CEP89: variants seen among roughly 807,000 people sequenced by gnomAD.
CEP89 encodes centrosomal protein of 89 kDa.
Under a neutral mutation model 97.6 loss-of-function variants are expected in CEP89, and 95 were observed. That is an observed-to-expected ratio of 0.97 (90% CI 0.82 to 1.15). The LOEUF (loss-of-function observed/expected upper bound fraction) is 1.15, where lower values mean the gene tolerates loss of function less well. Ranked by LOEUF, CEP89 falls within the 50% of genes most tolerant of loss-of-function variation. The pLI, the probability that CEP89 is intolerant of heterozygous loss-of-function variation, is 0.00. For missense variants in CEP89, 869 were observed against 947.7 expected, an observed-to-expected ratio of 0.92 and a Z score of 1.09; for synonymous variants, 354 against 349.1, an observed-to-expected ratio of 1.01 and a Z score of -0.16.
intron 4 of CEP89, among the ~76,000 whole-genome samples, chr19:32,951,940 C>T (rs898508409): frequency 1.3e-5 from 2 of 152,066 alleles, no homozygotes; most frequent in Admixed American, 1.3e-4. Context: ...TGTGTAACAT[C>T]GGTACAAAAT....
intron 14 of CEP89, among the ~76,000 whole-genome samples, chr19:32,905,506 TC>T (rs1969869747): frequency 6.7e-6 from 1 of 149,932 alleles, no homozygotes; most frequent in East Asian, 1.9e-4. Context: ...TTTTTTTAAT[TC>T]AATTCTTTTA....
At chr19:32,904,811 C>T (rs1027702778) in intron 14 of CEP89, among the ~76,000 whole-genome samples, 1 of 152,102 alleles carries the variant, frequency 6.6e-6, no homozygotes, top group Non-Finnish European at 1.5e-5. Flanking sequence ...AGGATGGTCT[C>T]GATCTCTTGA....
At chr19:32,918,562 C>A (rs1173543283) in intron 12 of CEP89, among the ~76,000 whole-genome samples, 1 of 152,154 alleles carries the variant, frequency 6.6e-6, no homozygotes, top group Non-Finnish European at 1.5e-5. Flanking sequence ...AAAACGCTTT[C>A]AGATGTAAAA....
In CEP89 at chr19:32,900,340, G is replaced by A. The variant is rs181333530; in HGVS notation, c.1734-342C>T. On this transcript the variant is annotated intron_variant, in intron 15 of 18. Transcript: ENST00000305768. ...GGCTCACTGTAACCTCCGCCTCTCAGGTTCAAGTGATTCTCATGCCTCAGC... is the reference window on the plus strand; with the variant it reads ...GGCTCACTGTAACCTCCGCCTCTCAAGTTCAAGTGATTCTCATGCCTCAGC... Among the ~76,000 whole-genome samples the A allele has an allele frequency of 2.8e-3, 422 of 150,372 alleles. 3 individuals carry two copies. The highest frequency in any genetic ancestry group is 9.7e-3 in the African/African-American group (394 of 40,790).
intron 4 of CEP89, 85 bp downstream of exon 4, chr19:32,953,530 G>A: frequency 9.2e-7 from 1 of 1,090,370 alleles, no homozygotes; most frequent in Non-Finnish European, 1.3e-6. Flanking sequence ...AGAATAGAGA[G>A]AAGAAATCCT....
intron 2 of CEP89, 21 bp from the exon 3 acceptor site, chr19:32,960,079 T>C: frequency 1.2e-6 from 2 of 1,613,472 alleles, no homozygotes; most frequent in Non-Finnish European, 1.7e-6. Flanking sequence ...AAACATCCCA[T>C]GGAGACAGTG....
chr19:32,944,327 A>G (rs113204567), intron 5 of CEP89, among the ~76,000 whole-genome samples: 17 of 151,974 alleles, frequency 1.1e-4, no homozygotes, highest in African/African-American at 3.9e-4. Context: ...CGCAGCACAC[A>G]ACGAATGATA....
chr19:32,879,722 G>A (rs1005230389), intron 18 of CEP89, among the ~76,000 whole-genome samples: 2 of 152,206 alleles, frequency 1.3e-5, no homozygotes, highest in African/African-American at 2.4e-5. Context: ...GAACTTGGGC[G>A]TGTCGAATAA....
intron 14 of CEP89, among the ~76,000 whole-genome samples, chr19:32,908,529 C>T (rs1969936275): frequency 6.6e-6 from 1 of 152,178 alleles, no homozygotes; most frequent in Non-Finnish European, 1.5e-5. Context: ...TTCATCAGAG[C>T]TCGAATATGT....
At chr19:32,887,996 G>A (rs1325079910) in intron 16 of CEP89, among the ~76,000 whole-genome samples, 155 bp from the exon 17 acceptor site, 2 of 152,240 alleles carry the variant, frequency 1.3e-5, no homozygotes, top group African/African-American at 4.8e-5. Context: ...GTGAGGGCCT[G>A]GGCCTCAGGC....
intron 2 of CEP89, 124 bp from the exon 3 acceptor site, chr19:32,960,182 G>T: frequency 1.1e-6 from 1 of 948,686 alleles, no homozygotes; most frequent in Non-Finnish European, 1.6e-6. Context: ...CATTTACTCT[G>T]CACCCATCAT....
In CEP89 at chr19:32,948,251, G is replaced by GC. The variant is rs1555794113; in HGVS notation, c.595+14_595+15insG. The GC allele has an allele frequency of 1.0e-3, 1,397 of 1,342,990 alleles. No homozygotes were observed. The highest frequency in any genetic ancestry group is 1.7e-3 in the South Asian group (128 of 73,684). 83.2% of individuals were successfully genotyped at this position (1,342,990 alleles called of 1,614,324 possible). On this transcript the variant is annotated intron_variant, in intron 5 of 18. Transcript: ENST00000305768. ...GTTCTTATATTTTATAAAAATTGTGGTTTTTTTTTTCTACCTTTTTGTTGT... is the reference window on the plus strand; with the variant it reads ...GTTCTTATATTTTATAAAAATTGTGGCTTTTTTTTTTCTACCTTTTTGTTGT...
intron 3 of CEP89, among the ~76,000 whole-genome samples, chr19:32,956,352 C>T (rs1177277425): frequency 6.6e-6 from 1 of 151,424 alleles, no homozygotes; most frequent in Non-Finnish European, 1.5e-5. Flanking sequence ...CCGCACCCGG[C>T]CTGTTTTTTC....
rs1255438989 is a variant in CEP89 at position 32,881,974 on chromosome 19, T to C, written c.2005A>G (p.Ser669Gly). 4 of 1,587,554 alleles carry C rather than the reference T, an allele frequency of 2.5e-6. No individual in the cohort carries two copies. The highest frequency in any genetic ancestry group is 2.6e-6 in the Non-Finnish European group (3 of 1,167,138). Residue 669 changes from serine (S) to glycine (G), a missense_variant, in exon 18 of 19, where the codon AGT (serine) becomes GGT (glycine). Ser to Gly is a moderately conservative substitution (Grantham distance 56, BLOSUM62 0). Coordinates refer to ENST00000305768, the MANE Select transcript of CEP89 (RefSeq NM_032816.5). ...KQAALKLGDI[S>G]HRLLEQQEDF... is the part of the protein sequence containing the mutation. ...TCCTGCTGCTCCAGCAGACGGTGAC[T>C]GATGTCCCCCAGCTTCAGTGCTGCC...
In CEP89 at chr19:32,966,486, C is replaced by T; in HGVS notation, c.40-20G>A. On this transcript the variant is annotated intron_variant, in intron 1 of 18. Coordinates refer to ENST00000305768, the MANE Select transcript of CEP89 (RefSeq NM_032816.5). Reference sequence around the variant, plus strand: ...GTGTTTCTGCACAAATGAAATCCAACAGAAGTCACTGGGTTGGGTCACTGG... The same window carrying T: ...GTGTTTCTGCACAAATGAAATCCAATAGAAGTCACTGGGTTGGGTCACTGG... 2.1e-6 allele frequency: 3 copies of T among 1,441,934 alleles called. No individual in the cohort carries two copies. Among genetic ancestry groups the T allele is most frequent in the Non-Finnish European group, 2.8e-6 (3 of 1,073,856 alleles). 89.3% of individuals were successfully genotyped at this position (1,441,934 alleles called of 1,614,324 possible).
intron 5 of CEP89, among the ~76,000 whole-genome samples, chr19:32,945,750 G>A (rs767290973): frequency 6.6e-5 from 10 of 152,114 alleles, no homozygotes; most frequent in Non-Finnish European, 1.3e-4. Flanking sequence ...TAATCTTCCC[G>A]CCTTGGCCTC....
At chr19:32,966,918 C>T (rs948074865) in intron 1 of CEP89, among the ~76,000 whole-genome samples, 2 of 152,126 alleles carry the variant, frequency 1.3e-5, no homozygotes, top group Non-Finnish European at 2.9e-5. Context: ...GATCATAGCT[C>T]ACCGCAGCCT....
chr19:32,960,591 C>T (rs927237571), intron 2 of CEP89, among the ~76,000 whole-genome samples: 4 of 151,864 alleles, frequency 2.6e-5, no homozygotes, highest in Admixed American at 6.6e-5. Flanking sequence ...GGGTGGATCA[C>T]GAGGTCAGGA....
At position 32,918,343 on chromosome 19, in the gene CEP89, C is replaced by A; in HGVS notation, c.1269-4G>T. The A allele has an allele frequency of 1.9e-6, 3 of 1,602,520 alleles. No individual in the cohort carries two copies. The highest frequency in any genetic ancestry group is 1.7e-6 in the Non-Finnish European group (2 of 1,169,486). ...TGCTTGAGTCTGAAGCTGACGCCTG[C>A]AATTGATTTACAAGATGAAATACTG... On this transcript the variant is annotated splice_region_variant and splice_polypyrimidine_tract_variant and intron_variant, in intron 12 of 18. Transcript: ENST00000305768.
Sources: gnomAD v4.1 joint callset for allele counts (sites outside exome capture counted in the v4.1 genomes callset) on GRCh38, gnomAD v4.1.1 for gene constraint, MANE v1.5 for transcripts, NCBI Gene and HGNC (gene_info 2026-07-23, HGNC 2026-07-21) for gene names.